Variants in RYR2 observed in about 807,000 individuals in gnomAD.
RYR2 encodes the protein ryanodine receptor 2.
Under a neutral mutation model 601.1 loss-of-function variants are expected in RYR2, and 227 were observed. The observed-to-expected ratio is 0.38, with a 90% CI of 0.34 to 0.42. The LOEUF (loss-of-function observed/expected upper bound fraction) is 0.42. Ranked by LOEUF, RYR2 falls within the 10% of genes least tolerant of loss-of-function variation. The pLI, the probability that RYR2 is intolerant of heterozygous loss-of-function variation, is 1.00. For synonymous variants in RYR2, 2,223 were observed against 2,175.1 expected (o/e 1.02, Z -0.61); for missense variants, 4,646 against 6,156.5 (o/e 0.75, Z 8.21).
chr1:237,600,401 C>T (rs1676374252), intron 34 of RYR2, among the ~76,000 whole-genome samples: 1 of 152,112 alleles, frequency 6.6e-6, no homozygotes, highest in Admixed American at 6.5e-5. Context: ...TATCCACATG[C>T]AGAAGAATGA....
intron 79 of RYR2, among the ~76,000 whole-genome samples, chr1:237,735,326 A>G (rs988652431): frequency 6.6e-6 from 1 of 152,316 alleles, no homozygotes; most frequent in East Asian, 1.9e-4. Context: ...ACAGAAAGAT[A>G]TAAGGTAACA....
chr1:237,284,591 CAG>C (rs1356273772), intron 2 of RYR2, among the ~76,000 whole-genome samples: 31 of 94,794 alleles, frequency 3.3e-4, no homozygotes, highest in African/African-American at 1.8e-3. Flanking sequence ...CACCCACACA[CAG>C]ACCCACACAC....
intron 100 of RYR2, among the ~76,000 whole-genome samples, chr1:237,810,569 A>G (rs1373914101): frequency 6.6e-6 from 1 of 152,126 alleles, no homozygotes; most frequent in Non-Finnish European, 1.5e-5. Flanking sequence ...CACCTATCAA[A>G]TTTTTAAGTA....
chr1:237,241,260 TC>T (rs1686132318), intron 1 of RYR2, among the ~76,000 whole-genome samples: 1 of 152,216 alleles, frequency 6.6e-6, no homozygotes, highest in African/African-American at 2.4e-5. Flanking sequence ...GTATGAAGCA[TC>T]CTTAGGTTAA....
intron 1 of RYR2, among the ~76,000 whole-genome samples, chr1:237,053,596 C>T (rs1457258072): frequency 9.2e-5 from 14 of 152,188 alleles, no homozygotes; most frequent in East Asian, 3.8e-4. Flanking sequence ...CCTGCGCCAG[C>T]GCCCGGTCTC....
At position 237,172,350 on chromosome 1, in the gene RYR2, G is replaced by A. The variant is rs16834923; in HGVS notation, c.49-98147G>A. Among the ~76,000 whole-genome samples the A allele has an allele frequency of 6.2e-3, 939 of 152,236 alleles. 18 individuals are homozygous for A. Among genetic ancestry groups the A allele is most frequent in the Admixed American group, 0.038 (588 of 15,290 alleles). ...CATCAAGGGAACAGTGTGCAAACTG[G>A]GTACCACCTGTGAGAAGCATCATTT... On this transcript the variant is annotated intron_variant, in intron 1 of 104. Transcript: ENST00000366574.
At position 237,176,630 on chromosome 1, in the gene RYR2, C is replaced by T. The variant is rs190587777; in HGVS notation, c.49-93867C>T. On this transcript the variant is annotated intron_variant, in intron 1 of 104. Transcript: ENST00000366574. Reference sequence around the variant, plus strand: ...AGATTTCCTTATAGCAATATATGAACTTTCTGATTTCTATTGACTTTTCTG... The same window carrying T: ...AGATTTCCTTATAGCAATATATGAATTTTCTGATTTCTATTGACTTTTCTG... Among the ~76,000 whole-genome samples the T allele has an allele frequency of 1.3e-3, 205 of 152,030 alleles. 1 individual carries two copies. The highest frequency in any genetic ancestry group is 4.8e-3 in the African/African-American group (199 of 41,486).
intron 47 of RYR2, among the ~76,000 whole-genome samples, chr1:237,642,095 A>G (rs1272640196): frequency 2.0e-5 from 3 of 152,166 alleles, no homozygotes; most frequent in Non-Finnish European, 4.4e-5. Flanking sequence ...GTAGTTAAGA[A>G]CTGTAAGTAT....
intron 43 of RYR2, 32 bp downstream of exon 43, chr1:237,633,742 G>T (rs764781600): frequency 1.3e-6 from 2 of 1,580,866 alleles, no homozygotes; most frequent in Non-Finnish European, 1.7e-6. Context: ...CATCTTTAAG[G>T]TTGAAATAAT....
intron 1 of RYR2, among the ~76,000 whole-genome samples, chr1:237,262,349 A>G (rs1485224929): frequency 7.3e-6 from 1 of 136,436 alleles, no homozygotes; most frequent in Non-Finnish European, 1.5e-5. Flanking sequence ...TCCGCCTCCC[A>G]GGTTCAAGTG....
chr1:237,444,911 T>A (rs1418585087), intron 13 of RYR2, among the ~76,000 whole-genome samples: 6 of 152,228 alleles, frequency 3.9e-5, no homozygotes, highest in Non-Finnish European at 7.3e-5. Flanking sequence ...AACTACTGTA[T>A]GACTGGTGTG....
At position 237,165,519 on chromosome 1, in the gene RYR2, C is replaced by T. The variant is rs185340511; in HGVS notation, c.49-104978C>T. Among the ~76,000 whole-genome samples, 220 of 152,236 alleles carry T rather than the reference C, an allele frequency of 1.4e-3. 2 individuals are homozygous for T. The highest frequency in any genetic ancestry group is 6.6e-3 in the South Asian group (32 of 4,816). ...GGGTGGAAATTATGATCTGCTTATC[C>T]TCAAATTATATAATATTGTTTAATA... is the stretch of plus-strand genomic sequence containing the variant. On this transcript the variant is annotated intron_variant, in intron 1 of 104. Transcript: ENST00000366574.
At chr1:237,381,287 A>G (rs1315964834) in intron 8 of RYR2, among the ~76,000 whole-genome samples, 1 of 149,884 alleles carries the variant, frequency 6.7e-6, no homozygotes, top group East Asian at 2.0e-4. Context: ...GAATGCTTAA[A>G]GAAACAGCAG....
chr1:237,463,177 A>T (rs1236025231), intron 16 of RYR2, among the ~76,000 whole-genome samples: 7 of 152,144 alleles, frequency 4.6e-5, no homozygotes, highest in Non-Finnish European at 8.8e-5. Flanking sequence ...TTTTAGTCCA[A>T]TTAGCCCCTC....
intron 99 of RYR2, 21 bp from the exon 100 acceptor site, chr1:237,808,880 C>T (rs1408280416): frequency 5.0e-6 from 8 of 1,612,586 alleles, no homozygotes; most frequent in Non-Finnish European, 6.8e-6. Context: ...AATACCTGGT[C>T]CTTGTCACAT....
chr1:237,726,755 A>G (rs1690236168), intron 75 of RYR2, among the ~76,000 whole-genome samples: 1 of 152,130 alleles, frequency 6.6e-6, no homozygotes, highest in Admixed American at 6.6e-5. Flanking sequence ...AGAAGGAGAT[A>G]AAATGATTTT....
intron 94 of RYR2, 57 bp downstream of exon 94, chr1:237,792,380 T>TGTGC (rs1558425745): frequency 9.5e-6 from 8 of 838,586 alleles, no homozygotes; most frequent in East Asian, 5.7e-5. Context: ...TGTGTGTGTG[T>TGTGC]GCGTGTGTGT....
In RYR2 at chr1:237,824,336, AG is replaced by A. The variant is rs200590100; in HGVS notation, c.14591-4044del. ...TCGAAAAGCTTATCCACCATGATCA[AG>A]TAGGCTTCATCCCTGGGATGCAAGG... On this transcript the variant is annotated intron_variant, in intron 101 of 104. Coordinates refer to ENST00000366574, the MANE Select transcript of RYR2 (RefSeq NM_001035.3). Among the ~76,000 whole-genome samples, 1,306 of 152,326 alleles carry A rather than the reference AG, an allele frequency of 8.6e-3. 20 individuals are homozygous for A. The highest frequency in any genetic ancestry group is 0.03 in the African/African-American group (1,235 of 41,566).
At chr1:237,685,689 G>A (rs1156944655) in intron 62 of RYR2, among the ~76,000 whole-genome samples, 1 of 152,152 alleles carries the variant, frequency 6.6e-6, no homozygotes, top group African/African-American at 2.4e-5. Context: ...ACACACAGCT[G>A]TCAGCCATAA....
Sources: gnomAD v4.1 joint callset for allele counts (sites outside exome capture counted in the v4.1 genomes callset) on GRCh38, gnomAD v4.1.1 for gene constraint, MANE v1.5 for transcripts, NCBI Gene and HGNC (gene_info 2026-07-23, HGNC 2026-07-21) for gene names.